Variants in MXRA7 observed in about 807,000 individuals in gnomAD.
MXRA7 encodes the protein matrix-remodeling-associated protein 7.
Under a neutral mutation model 17.4 loss-of-function variants are expected in MXRA7, and 18 were observed. That is an observed-to-expected ratio of 1.03 (90% CI 0.71 to 1.53). The LOEUF (loss-of-function observed/expected upper bound fraction) is 1.53, where lower values mean the gene tolerates loss of function less well. Among genes scored for constraint, MXRA7 ranks in the 40% most tolerant of loss-of-function variants. The pLI, the probability that MXRA7 is intolerant of heterozygous loss-of-function variation, is 0.00. For missense variants in MXRA7, 141 were observed against 209.3 expected (o/e 0.67, Z 2.01); for synonymous variants, 70 against 101.7 (o/e 0.69, Z 1.87).
chr17:76,695,747 G>T (rs2076527468), intron 1 of MXRA7, among the ~76,000 whole-genome samples: 2 of 152,166 alleles, frequency 1.3e-5, no homozygotes, highest in African/African-American at 4.8e-5. Context: ...GGCTCTTCCA[G>T]TGGCTCTACA....
rs1263909336 is a variant in MXRA7, at chr17:76,699,321, T to C, written c.343-11145A>G. ...CCACAACACCCAGCTAGTTTTCTTATTTTTTGTAGAGATTGGGTCTCACTA... is the reference window on the plus strand; with the variant it reads ...CCACAACACCCAGCTAGTTTTCTTACTTTTTGTAGAGATTGGGTCTCACTA... On this transcript the variant is annotated intron_variant, in intron 1 of 3. Transcript: ENST00000449428. Among the ~76,000 whole-genome samples the C allele has an allele frequency of 4.6e-5, 7 of 152,236 alleles. No individual in the cohort carries two copies. In the East Asian group the frequency reaches 1.4e-3, roughly 29 times the overall value.
intron 3 of MXRA7, among the ~76,000 whole-genome samples, chr17:76,683,033 C>T (rs1055828610): frequency 4.6e-5 from 7 of 152,158 alleles, no homozygotes; most frequent in Non-Finnish European, 8.8e-5. Context: ...CAGCTCTGGA[C>T]GTGGGTGGCA....
chr17:76,701,419 C>G (rs987366830), intron 1 of MXRA7, among the ~76,000 whole-genome samples: 3 of 151,912 alleles, frequency 2.0e-5, no homozygotes, highest in African/African-American at 7.3e-5. Flanking sequence ...AAATGAGGCA[C>G]TTGTCAGCGT....
At chr17:76,685,684 G>C (rs971035348) in intron 2 of MXRA7, among the ~76,000 whole-genome samples, 2 of 152,246 alleles carry the variant, frequency 1.3e-5, no homozygotes, top group South Asian at 2.1e-4. Flanking sequence ...TGAAGAGGCA[G>C]AGCCCGATTT....
intron 1 of MXRA7, among the ~76,000 whole-genome samples, chr17:76,694,257 C>G (rs919324636): frequency 4.1e-4 from 63 of 152,128 alleles, no homozygotes; most frequent in African/African-American, 1.3e-3. Context: ...CTGCCTTTCC[C>G]TGCCTGAGAA....
chr17:76,690,156 A>G (rs916312245), intron 1 of MXRA7: 27 of 152,202 alleles, frequency 1.8e-4, no homozygotes, highest in Admixed American at 7.2e-4. Flanking sequence ...AAATGCACGC[A>G]TGTGCTCGAA....
intron 1 of MXRA7, among the ~76,000 whole-genome samples, chr17:76,708,102 C>T (rs979398593): frequency 6.6e-6 from 1 of 152,262 alleles, no homozygotes; most frequent in Admixed American, 6.5e-5. Flanking sequence ...CTCCCCACTA[C>T]TTTGTCCTTG....
downstream of MXRA7, among the ~76,000 whole-genome samples, chr17:76,679,287 CAAA>C (rs71158050): frequency 1.6e-4 from 20 of 121,666 alleles, no homozygotes; most frequent in Admixed American, 1.6e-4. Flanking sequence ...GGCCCTGTCT[CAAA>C]AAAAAAAAAA....
chr17:76,677,297 A>AACAG (rs2076248195), downstream of MXRA7: 1 of 277,542 alleles, frequency 3.6e-6, no homozygotes. Context: ...ATCTCAAACA[A>AACAG]ACAAAAAAAG....
chr17:76,690,708 T>G (rs2076471209), intron 1 of MXRA7, among the ~76,000 whole-genome samples: 1 of 152,048 alleles, frequency 6.6e-6, no homozygotes, highest in Admixed American at 6.6e-5. Context: ...GACACAGTTT[T>G]TATTTTGTTT....
At chr17:76,687,861 A>C (rs1189691926) in intron 2 of MXRA7, among the ~76,000 whole-genome samples, 1 of 152,218 alleles carries the variant, frequency 6.6e-6, no homozygotes, top group Non-Finnish European at 1.5e-5. Flanking sequence ...CAGGGCGTGT[A>C]GTGTGTTCCC....
At position 76,684,942 on chromosome 17, in the gene MXRA7, G is replaced by A. The variant is rs1394275887; in HGVS notation, c.500+130C>T. 4 of 748,882 alleles carry A rather than the reference G, an allele frequency of 5.3e-6. No homozygotes were observed. The East Asian group carries it at 9.8e-5, about 18-fold the overall frequency. 46.4% of individuals were successfully genotyped at this position (748,882 alleles called of 1,614,324 possible). On this transcript the variant is annotated intron_variant, in intron 3 of 3. Transcript: ENST00000449428. Reference sequence around the variant, plus strand: ...AAACTGGGAAGGTGGGGCGGTGGTTGGGCAGAGCGTGTAGGAGCCCCACCT... The same window carrying A: ...AAACTGGGAAGGTGGGGCGGTGGTTAGGCAGAGCGTGTAGGAGCCCCACCT...
downstream of MXRA7, chr17:76,675,459 G>A (rs2076233237): frequency 7.1e-6 from 1 of 140,878 alleles, no homozygotes; most frequent in Non-Finnish European, 1.5e-5. Context: ...GTGCAGTGGC[G>A]CGATGGCTCA....
rs1208374997 is a variant in MXRA7, at chr17:76,710,958, C to T, written c.-12G>A. On this transcript the variant is annotated 5_prime_UTR_variant, in exon 1 of 4. Coordinates refer to ENST00000449428, the MANE Select transcript of MXRA7 (RefSeq NM_198530.4). ...GCCGGCGCCTCCATCGCGCCGCGGC[C>T]GCCGAGTGCGGGCCAGCTGGGACCC... The T allele has an allele frequency of 3.0e-6, 3 of 989,194 alleles. No individual in the cohort carries two copies. The highest frequency in any genetic ancestry group is 1.2e-6 in the Non-Finnish European group (1 of 834,768). The allele number at this position is 989,194 out of a possible 1,614,324, so 61.3% of individuals were successfully genotyped here.
rs577086156 is a variant in MXRA7 at position 76,709,325 on chromosome 17, G to A, written c.342+1280C>T. On this transcript the variant is annotated intron_variant, in intron 1 of 3. Coordinates refer to ENST00000449428, the MANE Select transcript of MXRA7 (RefSeq NM_198530.4). ...ACAGATCAGCACATGTCCAAACCGCGCCCCCTCCACCATCACCGCGTGAGG... is the reference window on the plus strand; with the variant it reads ...ACAGATCAGCACATGTCCAAACCGCACCCCCTCCACCATCACCGCGTGAGG... 4.6e-5 allele frequency among the ~76,000 whole-genome samples: 7 copies of A among 152,190 alleles called. No individual in the cohort carries two copies. The South Asian group carries it at 1.0e-3, about 23-fold the overall frequency.
At position 76,681,026 on chromosome 17, in the gene MXRA7, C is replaced by G. The variant is rs2076296204; in HGVS notation, c.501-147G>C. On this transcript the variant is annotated intron_variant, in intron 3 of 3. Coordinates refer to ENST00000449428, the MANE Select transcript of MXRA7 (RefSeq NM_198530.4). The surrounding 1 kb of genome is among the most constrained non-coding windows in gnomAD (Gnocchi z 4.7). Reference sequence around the variant, plus strand: ...TAGACTCTGGTTTCTCAAACCACTGCTGATTTGCTTCTCATCGCTTGCAGC... The same window carrying G: ...TAGACTCTGGTTTCTCAAACCACTGGTGATTTGCTTCTCATCGCTTGCAGC... The G allele has an allele frequency of 1.3e-5, 9 of 713,678 alleles. No homozygotes were observed. Among genetic ancestry groups the G allele is most frequent in the Middle Eastern group, 2.4e-4 (1 of 4,140 alleles). The allele number at this position is 713,678 out of a possible 1,614,324, so 44.2% of individuals were successfully genotyped here. A position where few individuals can be genotyped will look rare whatever the true frequency, so the allele number is the denominator to read the frequency against.
downstream of MXRA7, chr17:76,675,824 C>T (rs573422496): frequency 3.9e-5 from 6 of 152,248 alleles, no homozygotes; most frequent in African/African-American, 7.2e-5. Context: ...GAGGGGCTCC[C>T]GAAAAACCCC....
chr17:76,688,207 G>A (rs756005200), intron 1 of MXRA7, 31 bp from the exon 2 acceptor site: 11 of 1,613,492 alleles, frequency 6.8e-6, no homozygotes, highest in Non-Finnish European at 9.3e-6. Flanking sequence ...CAGTGCCCTT[G>A]GCACAGACTG....
At chr17:76,686,226 C>T (rs1022240268) in intron 2 of MXRA7, among the ~76,000 whole-genome samples, 3 of 152,192 alleles carry the variant, frequency 2.0e-5, no homozygotes, top group African/African-American at 4.8e-5. Context: ...TGCCTGTAAT[C>T]CCAGCACCTT....
Sources: allele counts gnomAD v4.1 joint callset (sites outside exome capture counted in the v4.1 genomes callset), GRCh38; gene constraint gnomAD v4.1.1; non-coding constraint Gnocchi (gnomAD v3.1); transcripts MANE v1.5; gene names NCBI Gene and HGNC (gene_info 2026-07-23, HGNC 2026-07-21).